Variants in OSMR observed in about 807,000 individuals in gnomAD.
The protein encoded by OSMR is oncostatin-M-specific receptor subunit beta.
In OSMR, 81 loss-of-function variants were observed where a neutral mutation model predicts 99.9. That is an observed-to-expected ratio of 0.81 (90% confidence interval 0.68 to 0.97). The LOEUF is 0.97. Ranked by LOEUF, OSMR falls within the 50% of genes least tolerant of loss-of-function variation. OSMR has a pLI of 0.00. For synonymous variants in OSMR, 406 were observed against 410.4 expected, an observed-to-expected ratio of 0.99 and a Z score of 0.13; for missense variants, 1,099 against 1,153.4, an observed-to-expected ratio of 0.95 and a Z score of 0.68.
intron 1 of OSMR, among the ~76,000 whole-genome samples, chr5:38,857,595 G>A (rs924536084): frequency 4.6e-5 from 7 of 152,036 alleles, no homozygotes; most frequent in African/African-American, 1.7e-4. Flanking sequence ...AAAGTAATTA[G>A]CATATTCAAA....
chr5:38,873,943 C>CT (rs1742600777), intron 2 of OSMR, among the ~76,000 whole-genome samples: 1 of 152,056 alleles, frequency 6.6e-6, no homozygotes, highest in South Asian at 2.1e-4. Context: ...AACCATCCTC[C>CT]TATGTCAGCC....
rs117439601 is a variant in OSMR, at chr5:38,912,365, C to G, written c.1286-5181C>G. 0.027 allele frequency among the ~76,000 whole-genome samples: 4,054 copies of G among 152,114 alleles called. 385 individuals carry two copies. In the East Asian group the frequency reaches 0.36, roughly 14 times the overall value. On this transcript the variant is annotated intron_variant, in intron 9 of 17. Transcript: ENST00000274276. ...AAAAATATCTAGTAATACATTTAAC[C>G]AAGGAGGTGAAAGATCTCTACAAGG...
intron 1 of OSMR, among the ~76,000 whole-genome samples, chr5:38,866,753 C>A (rs2112213875): frequency 6.6e-6 from 1 of 152,286 alleles, no homozygotes; most frequent in Admixed American, 6.5e-5. Context: ...CACTCCCTCT[C>A]TGGAGCAATG....
At chr5:38,885,605 T>G in intron 6 of OSMR, 121 bp downstream of exon 6, 1 of 1,328,042 alleles carries the variant, frequency 7.5e-7, no homozygotes, top group South Asian at 1.2e-5. Context: ...CAGAACCACC[T>G]GCCAAGGTCA....
At chr5:38,856,700 G>T (rs1740880299) in intron 1 of OSMR, among the ~76,000 whole-genome samples, 1 of 152,178 alleles carries the variant, frequency 6.6e-6, no homozygotes, top group Admixed American at 6.5e-5. Flanking sequence ...GGAATGTAGT[G>T]GTGTGATCAT....
At chr5:38,921,850 A>T (rs531817830) in intron 12 of OSMR, 56 bp downstream of exon 12, 1 of 1,473,746 alleles carries the variant, frequency 6.8e-7, no homozygotes, top group East Asian at 2.3e-5. Flanking sequence ...AGAAAGTTCA[A>T]GTGGGATTTC....
intron 2 of OSMR, chr5:38,944,397 C>T (rs752834166): frequency 3.8e-6 from 6 of 1,565,794 alleles, no homozygotes; most frequent in South Asian, 3.5e-5. Flanking sequence ...CTTTTCTCGA[C>T]TTAAAAAACA....
chr5:38,918,039 C>A (rs1002365303), intron 10 of OSMR, among the ~76,000 whole-genome samples: 2 of 152,142 alleles, frequency 1.3e-5, no homozygotes, highest in Non-Finnish European at 2.9e-5. Flanking sequence ...ACCTTCATGA[C>A]AACCTGGAAG....
chr5:38,938,970 A>G (rs1470656205), downstream of OSMR: 2 of 232,986 alleles, frequency 8.6e-6, no homozygotes, highest in Non-Finnish European at 8.5e-6. Context: ...AAGTGGAAGC[A>G]TAAGACTAAA....
chr5:38,915,940 C>A (rs1342806734), intron 9 of OSMR, among the ~76,000 whole-genome samples: 1 of 152,114 alleles, frequency 6.6e-6, no homozygotes, highest in African/African-American at 2.4e-5. Context: ...CATGGATGTG[C>A]TATAATTGGG....
At chr5:38,919,806 G>A (rs2112642968) in intron 11 of OSMR, among the ~76,000 whole-genome samples, 1 of 152,234 alleles carries the variant, frequency 6.6e-6, no homozygotes, top group African/African-American at 2.4e-5. Context: ...TATAATATGT[G>A]TTTATTCAAG....
intron 4 of OSMR, 28 bp downstream of exon 4, chr5:38,881,792 A>G (rs1158113491): frequency 2.5e-6 from 4 of 1,573,642 alleles, no homozygotes; most frequent in Non-Finnish European, 3.5e-6. Flanking sequence ...TACAAGAGTG[A>G]AAAGGGTTAA....
chr5:38,917,345 G>A, intron 9 of OSMR: 1 of 849,754 alleles, frequency 1.2e-6, no homozygotes, highest in African/African-American at 1.8e-5. Flanking sequence ...TTTTTATAAA[G>A]CACTGTACTG....
At chr5:38,860,872 C>T (rs957659439) in intron 1 of OSMR, among the ~76,000 whole-genome samples, 1 of 152,048 alleles carries the variant, frequency 6.6e-6, no homozygotes, top group Non-Finnish European at 1.5e-5. Context: ...GGGGTTTCAC[C>T]ATGTTGGCCA....
In OSMR at chr5:38,904,352, G is replaced by A. The variant is rs558933686; in HGVS notation, c.1135-1G>A. The A allele has an allele frequency of 1.2e-6, 2 of 1,613,736 alleles. No individual in the cohort carries two copies. Among genetic ancestry groups the A allele is most frequent in the East Asian group, 2.2e-5 (1 of 44,860 alleles). ...TTTTCTTCTCTTTTTTGATCAAGCA[G>A]TACAATGTTTCCATCAAGGTGAACG... On this transcript the variant is annotated splice_acceptor_variant, in intron 8 of 17. Coordinates refer to ENST00000274276, the MANE Select transcript of OSMR (RefSeq NM_003999.3). LOFTEE classifies it high-confidence loss of function.
rs79661368 is a variant in OSMR, at chr5:38,909,263, G to A, written c.1285+4760G>A. Among the ~76,000 whole-genome samples, 1,373 of 152,250 alleles carry A rather than the reference G, an allele frequency of 9.0e-3. 148 individuals are homozygous for A. The East Asian group carries it at 0.23, about 26-fold the overall frequency. The stretch of plus-strand genomic sequence containing the variant: ...ACTCATTGGTGTTCTTGAAAGAGAG[G>A]CAGAGAAGGCAAGCAACTTGGAAAA... On this transcript the variant is annotated intron_variant, in intron 9 of 17. Coordinates refer to ENST00000274276, the MANE Select transcript of OSMR (RefSeq NM_003999.3).
At position 38,883,938 on chromosome 5, in the gene OSMR, T is replaced by C; in HGVS notation, c.530T>C (p.Val177Ala). The change falls in exon 5 of 18, where the codon GTA (valine) becomes GCA (alanine). Residue 177 changes from valine to alanine, a missense_variant. Val to Ala is a moderately conservative substitution (Grantham distance 64, BLOSUM62 0). Coordinates refer to ENST00000274276, the MANE Select transcript of OSMR (RefSeq NM_003999.3). ...GTTTCTAGGAACATTCAAAATAATG[T>C]ATCCTGTTATTTGGAAGGGAAACAG... ...CYVSRNIQNNVSCYLEGKQIH... is the reference protein window; with the variant it reads ...CYVSRNIQNNASCYLEGKQIH... 2 of 1,613,612 alleles carry C rather than the reference T, an allele frequency of 1.2e-6. No individual in the cohort carries two copies. Among genetic ancestry groups the C allele is most frequent in the South Asian group, 2.2e-5 (2 of 91,066 alleles).
rs555265272 is a variant in OSMR at position 38,931,542 on chromosome 5, A to AGGG, written c.2213-341_2213-340insGGG. On this transcript the variant is annotated intron_variant, in intron 15 of 17. Transcript: ENST00000274276. ...AAGCCAATGCACATGGCTGAGCCCC[A>AGGG]AGTCAAGGGGCAGGATAGTATTCTC... 1.6e-4 allele frequency among the ~76,000 whole-genome samples: 24 copies of AGGG among 147,096 alleles called. 1 individual carries two copies. In the East Asian group the frequency reaches 4.1e-3, roughly 25 times the overall value.
intron 1 of OSMR, among the ~76,000 whole-genome samples, chr5:38,861,725 G>A (rs559270370): frequency 1.3e-5 from 2 of 151,194 alleles, no homozygotes; most frequent in African/African-American, 2.4e-5. Flanking sequence ...CTCGCGGACA[G>A]GGGGGCTGGC....
Sources: allele counts gnomAD v4.1 joint callset (sites outside exome capture counted in the v4.1 genomes callset), GRCh38; gene constraint gnomAD v4.1.1; transcripts MANE v1.5; gene names NCBI Gene and HGNC (gene_info 2026-07-23, HGNC 2026-07-21).